The following SPINK5 variants were observed in gnomAD, a reference collection of about 807,000 sequenced individuals.
SPINK5 encodes serine protease inhibitor Kazal-type 5.
SPINK5 carries 125 observed loss-of-function variants against 151.8 expected under a neutral mutation model. The observed-to-expected ratio is 0.82, with a 90% confidence interval of 0.71 to 0.96. SPINK5 has a LOEUF of 0.96. Among genes scored for constraint, SPINK5 ranks in the 40% least tolerant of loss-of-function variants. The pLI is 0.00. For missense variants in SPINK5, 1,194 were observed against 1,291.9 expected, an observed-to-expected ratio of 0.92 and a Z score of 1.16; for synonymous variants, 374 against 395.3, an observed-to-expected ratio of 0.95 and a Z score of 0.64.
chr5:148,095,683 T>G, intron 9 of SPINK5, 135 bp from the exon 10 acceptor site: 2 of 712,302 alleles, frequency 2.8e-6, no homozygotes, highest in Admixed American at 2.3e-5. Flanking sequence ...AGGGTCTTTT[T>G]GGGGATTTGA....
intron 8 of SPINK5, 32 bp from the exon 9 acceptor site, chr5:148,094,322 G>T (rs375747932): frequency 3.1e-6 from 5 of 1,606,796 alleles, no homozygotes; most frequent in African/African-American, 2.7e-5. Context: ...GAAATGAAAT[G>T]AAGTAAAATA....
chr5:148,088,691 G>A, intron 6 of SPINK5, 86 bp downstream of exon 6: 1 of 1,325,564 alleles, frequency 7.5e-7, no homozygotes, highest in African/African-American at 1.4e-5. Flanking sequence ...TTCTTAGGTG[G>A]GAGCCTTGGA....
chr5:148,129,841 C>T (rs1188578722), intron 30 of SPINK5, among the ~76,000 whole-genome samples: 1 of 152,062 alleles, frequency 6.6e-6, no homozygotes, highest in Non-Finnish European at 1.5e-5. Context: ...AAGTAGTTTT[C>T]AAGGAATTTA....
intron 22 of SPINK5, 88 bp from the exon 23 acceptor site, chr5:148,118,349 A>C: frequency 6.3e-7 from 1 of 1,588,356 alleles, no homozygotes; most frequent in East Asian, 2.3e-5. Flanking sequence ...AGGTGAAAGA[A>C]CTTCTCTTAC....
intron 3 of SPINK5, among the ~76,000 whole-genome samples, chr5:148,071,876 G>A (rs1227072714): frequency 6.6e-6 from 1 of 152,048 alleles, no homozygotes; most frequent in African/African-American, 2.4e-5. Context: ...AGCTTTGAGA[G>A]TTGGTGACCA....
intron 18 of SPINK5, among the ~76,000 whole-genome samples, chr5:148,109,964 C>T (rs1039620791): frequency 5.9e-5 from 9 of 152,212 alleles, no homozygotes; most frequent in African/African-American, 1.9e-4. Flanking sequence ...TACTGGCCAC[C>T]TTTTGGTTTC....
rs1561682871 is a variant in SPINK5 at position 148,090,827 on chromosome 5, TTC to T, written c.603-336_603-335del. On this transcript the variant is annotated intron_variant, in intron 7 of 32. Transcript: ENST00000256084. ...GTTAAAGGGAATTTTCCTGACAATCTTCTGTTTGTCAATCAAGGTGTCACACC... is the reference window on the plus strand; with the variant it reads ...GTTAAAGGGAATTTTCCTGACAATCTTGTTTGTCAATCAAGGTGTCACACC... The T allele has an allele frequency of 2.0e-5, 5 of 254,626 alleles. No homozygotes were observed. The South Asian group carries it at 2.9e-4, about 15-fold the overall frequency. The allele number at this position is 254,626 out of a possible 1,614,324, so 15.8% of individuals were successfully genotyped here. A position where few individuals can be genotyped will look rare whatever the true frequency, so the allele number is the denominator to read the frequency against.
At chr5:148,066,661 G>C (rs552191078) in intron 2 of SPINK5, among the ~76,000 whole-genome samples, 1 of 152,176 alleles carries the variant, frequency 6.6e-6, no homozygotes, top group South Asian at 2.1e-4. Context: ...GGGAATCAGA[G>C]AGCATGCTCA....
At chr5:148,078,548 A>C (rs1329350875) in intron 4 of SPINK5, among the ~76,000 whole-genome samples, 1 of 150,934 alleles carries the variant, frequency 6.6e-6, no homozygotes, top group Non-Finnish European at 1.5e-5. Context: ...GTACAAACAT[A>C]ATAAATTTTA....
chr5:148,103,989 T>C (rs1753715425), intron 15 of SPINK5, among the ~76,000 whole-genome samples: 1 of 152,192 alleles, frequency 6.6e-6, no homozygotes, highest in Non-Finnish European at 1.5e-5. Flanking sequence ...ATGTAACAGC[T>C]ATCACTTTCA....
intron 12 of SPINK5, among the ~76,000 whole-genome samples, chr5:148,099,562 C>T (rs1284092271): frequency 6.6e-6 from 1 of 151,576 alleles, no homozygotes; most frequent in African/African-American, 2.4e-5. Flanking sequence ...CTAGTTTTAT[C>T]ACTTATAGAC....
rs115366845 is a variant in SPINK5 at position 148,133,895 on chromosome 5, C to T, written c.3186+8C>T. The T allele has an allele frequency of 1.8e-3, 2,835 of 1,613,694 alleles. 42 individuals are homozygous for T. In the African/African-American group the frequency reaches 0.033, roughly 19 times the overall value. On this transcript the variant is annotated splice_region_variant and intron_variant, in intron 32 of 32. Transcript: ENST00000256084. ...GCCAGCATGCCCCCGTCTGTAAGTA[C>T]ATAAGTAGACTGGCCTCCATGGTTA...
intron 26 of SPINK5, among the ~76,000 whole-genome samples, chr5:148,121,151 A>G (rs1240762428): frequency 6.7e-6 from 1 of 150,278 alleles, no homozygotes; most frequent in Non-Finnish European, 1.5e-5. Context: ...CTCAAAAAAA[A>G]AAAAAAAAAA....
chr5:148,068,240 A>T (rs972890350), intron 2 of SPINK5, among the ~76,000 whole-genome samples: 2 of 152,194 alleles, frequency 1.3e-5, no homozygotes, highest in East Asian at 3.9e-4. Context: ...AATCTTAGAG[A>T]TATTTAAGCA....
Position 148,124,787 on chromosome 5 carries a change from A to T in SPINK5, c.2689A>T (p.Lys897Ter). Residue 897 changes from lysine (K) to a stop codon, truncating the protein, a stop_gained, in exon 28 of 33, where the codon AAA becomes TAA. Transcript: ENST00000256084. LOFTEE classifies it high-confidence loss of function. The part of the protein sequence containing the change: ...SIFDREANER[K>*]KKDEEKSSSK... ...CAGTGATCGAGAAGCTAATGAAAGA[A>T]AAAAGAAAGATGAAGAGAAATCAAG... is the stretch of plus-strand genomic sequence containing the variant. 6 of 1,608,158 alleles carry T rather than the reference A, an allele frequency of 3.7e-6. No individual in the cohort carries two copies. Among genetic ancestry groups the T allele is most frequent in the Non-Finnish European group, 5.1e-6 (6 of 1,177,116 alleles).
At chr5:148,135,916 A>G (rs534415270) in intron 32 of SPINK5, among the ~76,000 whole-genome samples, 137 of 152,306 alleles carry the variant, frequency 9.0e-4, no homozygotes, top group Non-Finnish European at 1.6e-3. Flanking sequence ...TACAGTAACT[A>G]CTAAGATTTA....
intron 7 of SPINK5, chr5:148,090,921 T>C (rs1394862284): frequency 1.9e-6 from 1 of 524,966 alleles, no homozygotes; most frequent in Non-Finnish European, 3.4e-6. Context: ...CCTTTCTTAC[T>C]ATAGGCAAGA....
At chr5:148,134,579 A>G (rs981369524) in intron 32 of SPINK5, among the ~76,000 whole-genome samples, 3 of 152,216 alleles carry the variant, frequency 2.0e-5, no homozygotes, top group African/African-American at 7.2e-5. Context: ...AAAATATTCA[A>G]TAAATACTGA....
At position 148,118,520 on chromosome 5, in the gene SPINK5, T is replaced by C; in HGVS notation, c.2196T>C (p.Asp732=). The change falls in exon 23 of 33, where the codon GAT becomes GAC. Residue 732 remains aspartate, a synonymous_variant. Coordinates refer to ENST00000256084, the MANE Select transcript of SPINK5 (RefSeq NM_006846.4). ...AGAGTGATCCTGTACGTGATGCTGATGGCAAATCGTACAACAATCAGTGTA... is the reference window on the plus strand; with the variant it reads ...AGAGTGATCCTGTACGTGATGCTGACGGCAAATCGTACAACAATCAGTGTA... ...TRESDPVRDA[D]GKSYNNQCTM... 6.2e-7 allele frequency: 1 copy of C among 1,614,172 alleles called. No individual in the cohort carries two copies. The highest frequency in any genetic ancestry group is 2.2e-5 in the East Asian group (1 of 44,876).
Sources: allele counts gnomAD v4.1 joint callset (sites outside exome capture counted in the v4.1 genomes callset), GRCh38; gene constraint gnomAD v4.1.1; transcripts MANE v1.5; gene names NCBI Gene and HGNC (gene_info 2026-07-23, HGNC 2026-07-21).